Variants in MAP3K2 observed in about 807,000 individuals in gnomAD.
MAP3K2 encodes the protein MAP/ERK kinase kinase 2.
A neutral mutation model predicts 80.3 loss-of-function variants in MAP3K2; 24 were observed. The ratio of observed to expected loss-of-function variants is 0.30; its 90% CI spans 0.22 to 0.42. MAP3K2 has a LOEUF of 0.42. Ranked by LOEUF, MAP3K2 falls within the 10% of genes least tolerant of loss-of-function variation. MAP3K2 has a pLI of 1.00. For missense variants in MAP3K2, 608 were observed against 750.1 expected (o/e 0.81, Z 2.21); for synonymous variants, 244 against 253.7 (o/e 0.96, Z 0.36).
rs755675994 is a variant in MAP3K2 at position 127,318,255 on chromosome 2, C to T, written c.1108G>A (p.Val370Ile). Residue 370 changes from valine to isoleucine, a missense_variant, in exon 13 of 17, where the codon GTC becomes ATC. By Grantham distance (29) the Val-to-Ile change is conservative (BLOSUM62 3). Coordinates refer to ENST00000682094, the MANE Select transcript of MAP3K2 (RefSeq NM_001371910.2). Reference protein sequence around the residue: ...KLLGQGAFGRVYLCYDVDTGR... With the variant: ...KLLGQGAFGRIYLCYDVDTGR... ...GTATCAACATCATAACAGAGGTAGA[C>T]CCTTCCAAAGGCTCCTTGGCCAAGC... 6.2e-7 allele frequency: 1 copy of T among 1,611,362 alleles called. No homozygotes were observed. The highest frequency in any genetic ancestry group is 1.1e-5 in the South Asian group (1 of 90,542).
intron 1 of MAP3K2, among the ~76,000 whole-genome samples, chr2:127,352,481 T>G (rs1043827462): frequency 1.3e-5 from 2 of 152,292 alleles, no homozygotes; most frequent in African/African-American, 4.8e-5. Context: ...AGTTTCATTC[T>G]TGCACTACTA....
intron 1 of MAP3K2, among the ~76,000 whole-genome samples, chr2:127,360,598 C>G (rs1686868552): frequency 6.6e-6 from 1 of 152,126 alleles, no homozygotes; most frequent in South Asian, 2.1e-4. Context: ...TTAATTATCT[C>G]AAGTTATTTT....
chr2:127,376,937 T>C (rs1368470039), intron 1 of MAP3K2, among the ~76,000 whole-genome samples: 1 of 151,880 alleles, frequency 6.6e-6, no homozygotes, highest in East Asian at 1.9e-4. Flanking sequence ...ATGGTGTGCC[T>C]GTAGTCCCAG....
chr2:127,365,195 G>A (rs1435423096), intron 1 of MAP3K2, among the ~76,000 whole-genome samples: 3 of 131,324 alleles, frequency 2.3e-5, no homozygotes, highest in Non-Finnish European at 3.1e-5. Context: ...GACACTCTAA[G>A]TGTTTTACAT....
upstream of MAP3K2, chr2:127,387,997 G>C (rs1425356521): frequency 1.0e-6 from 1 of 983,706 alleles, no homozygotes; most frequent in Non-Finnish European, 1.2e-6. Flanking sequence ...CGCGGCGCAC[G>C]TCACGGCCGC....
At chr2:127,348,105 G>A (rs1390833910) in intron 1 of MAP3K2, among the ~76,000 whole-genome samples, 4 of 152,122 alleles carry the variant, frequency 2.6e-5, no homozygotes, top group African/African-American at 9.7e-5. Context: ...TATTGACCAT[G>A]TGTGGTGGCT....
intron 2 of MAP3K2, among the ~76,000 whole-genome samples, chr2:127,340,758 A>G (rs1434689477): frequency 6.6e-6 from 1 of 151,788 alleles, no homozygotes; most frequent in African/African-American, 2.4e-5. Context: ...GGGTCTCACC[A>G]TGTTGCCCAG....
chr2:127,325,545 G>T (rs1356644428), intron 9 of MAP3K2, among the ~76,000 whole-genome samples, 183 bp downstream of exon 9: 1 of 152,082 alleles, frequency 6.6e-6, no homozygotes, highest in African/African-American at 2.4e-5. Context: ...AGCCAGATGT[G>T]GTATTAATAG....
At chr2:127,327,400 C>T (rs542923691) in intron 7 of MAP3K2, among the ~76,000 whole-genome samples, 13 of 152,222 alleles carry the variant, frequency 8.5e-5, no homozygotes, top group Admixed American at 2.6e-4. Flanking sequence ...AGAGTACTGT[C>T]TACACTTGTC....
At chr2:127,366,016 A>C (rs2104879402) in intron 1 of MAP3K2, among the ~76,000 whole-genome samples, 1 of 152,238 alleles carries the variant, frequency 6.6e-6, no homozygotes, top group East Asian at 1.9e-4. Context: ...TATATAACAA[A>C]ATCTACATCA....
At chr2:127,328,899 C>G (rs1283244967) in intron 7 of MAP3K2, among the ~76,000 whole-genome samples, 1 of 152,170 alleles carries the variant, frequency 6.6e-6, no homozygotes, top group East Asian at 1.9e-4. Flanking sequence ...AAATCCGCCC[C>G]TCATACATGT....
chr2:127,310,405 T>C lies in MAP3K2; in HGVS notation c.1457-1643A>G, dbSNP rs532767586. The stretch of plus-strand genomic sequence containing the variant: ...GGCACACACCTGTACTCCTAGCACT[T>C]TGGGAGGCAAAGGTGGGTGGATCGC... On this transcript the variant is annotated intron_variant, in intron 15 of 16. Coordinates refer to ENST00000682094, the MANE Select transcript of MAP3K2 (RefSeq NM_001371910.2). This position sits in a 1 kb window ranked among gnomAD's most constrained non-coding sequence, Gnocchi z 4.8. Among the ~76,000 whole-genome samples, 4 of 152,234 alleles carry C rather than the reference T, an allele frequency of 2.6e-5. No individual in the cohort carries two copies. In the South Asian group the frequency reaches 6.2e-4, roughly 24 times the overall value.
At chr2:127,377,481 T>C (rs1050078192) in intron 1 of MAP3K2, among the ~76,000 whole-genome samples, 1 of 152,052 alleles carries the variant, frequency 6.6e-6, no homozygotes, top group South Asian at 2.1e-4. Context: ...GTGCGTATAG[T>C]CATTATAGAG....
rs971403340 is a variant in MAP3K2 at position 127,299,066 on chromosome 2, G to C, written c.*8513C>G. The C allele has an allele frequency of 6.6e-5, 10 of 152,098 alleles. No individual in the cohort carries two copies. Among genetic ancestry groups the C allele is most frequent in the African/African-American group, 2.4e-4 (10 of 41,402 alleles). The allele number at this position is 152,098 out of a possible 1,614,324, so 9.4% of individuals were successfully genotyped here. On this transcript the variant is annotated 3_prime_UTR_variant, in exon 17 of 17. Coordinates refer to ENST00000682094, the MANE Select transcript of MAP3K2 (RefSeq NM_001371910.2). ...TGAATGACAAACAAAATCAAAATGT[G>C]CATGAAATGTTGCACGTACCACACT...
intron 5 of MAP3K2, among the ~76,000 whole-genome samples, chr2:127,331,909 A>G (rs1021152268): frequency 1.3e-5 from 2 of 152,218 alleles, no homozygotes; most frequent in African/African-American, 4.8e-5. Flanking sequence ...CCCAGCCAAA[A>G]AAGTCCTTGT....
chr2:127,372,324 G>A (rs1312448685), intron 1 of MAP3K2, among the ~76,000 whole-genome samples: 1 of 152,118 alleles, frequency 6.6e-6, no homozygotes, highest in Non-Finnish European at 1.5e-5. Context: ...GGGGGAAAGG[G>A]ACGTTTTGGA....
rs1686125070 is a variant in MAP3K2, at chr2:127,325,781, G to C, written c.624C>G (p.Ser208Arg). The part of the protein sequence containing the change: ...DQMLDPLSLS[S>R]PENSGSGSCP... ...AACTTCCTGAGCCAGAATTTTCAGG[G>C]CTGCTTAAAGATAATGGATCCAGCA... The change falls in exon 9 of 17, where the codon AGC becomes AGG. Residue 208 changes from serine (S) to arginine (R), a missense_variant. Ser to Arg is a moderately radical substitution (Grantham distance 110). This residue lies in a region of MAP3K2 where 467 missense variants were observed against 521.9 expected (regional missense o/e 0.89). Transcript: ENST00000682094. 6.2e-7 allele frequency: 1 copy of C among 1,612,994 alleles called. No homozygotes were observed. The highest frequency in any genetic ancestry group is 8.5e-7 in the Non-Finnish European group (1 of 1,179,372).
chr2:127,304,863 C>A lies in MAP3K2; in HGVS notation c.*2716G>T, dbSNP rs961811934. On this transcript the variant is annotated 3_prime_UTR_variant, in exon 17 of 17. Transcript: ENST00000682094. ...TTAACTTTTATTGTGGTTTTTGGTA[C>A]CTTCACAACTTGTTTGAAATAAATT... 6.6e-5 allele frequency: 10 copies of A among 152,266 alleles called. No individual in the cohort carries two copies. Among genetic ancestry groups the A allele is most frequent in the African/African-American group, 1.9e-4 (8 of 41,330 alleles). The allele number at this position is 152,266 out of a possible 1,614,324, so 9.4% of individuals were successfully genotyped here.
At chr2:127,346,323 A>G (rs1686594006) in intron 1 of MAP3K2, among the ~76,000 whole-genome samples, 1 of 150,934 alleles carries the variant, frequency 6.6e-6, no homozygotes, top group Non-Finnish European at 1.5e-5. Flanking sequence ...AAGTAAAAAG[A>G]CTAAATTAGA....
Sources: gnomAD v4.1 joint callset for allele counts (sites outside exome capture counted in the v4.1 genomes callset) on GRCh38, gnomAD v4.1.1 for gene constraint, gnomAD v4.1.1 regional missense constraint, Gnocchi (gnomAD v3.1) non-coding constraint, MANE v1.5 for transcripts, NCBI Gene and HGNC (gene_info 2026-07-23, HGNC 2026-07-21) for gene names.